The following PAQR3 variants were observed in gnomAD, a reference collection of about 807,000 sequenced individuals.
The protein encoded by PAQR3 is Raf kinase trapping to Golgi.
Under a neutral mutation model 41.7 loss-of-function variants are expected in PAQR3, and 39 were observed. The observed-to-expected ratio is 0.93, with a 90% CI of 0.72 to 1.22. The LOEUF (loss-of-function observed/expected upper bound fraction) is 1.22. Ranked by LOEUF, PAQR3 falls within the 50% of genes most tolerant of loss-of-function variation. PAQR3 has a pLI of 0.00. For synonymous variants in PAQR3, 140 were observed against 140.6 expected (o/e 1.00, Z 0.03); for missense variants, 366 against 385.6 (o/e 0.95, Z 0.42).
chr4:78,937,645 T>A (rs1364936332), intron 1 of PAQR3, among the ~76,000 whole-genome samples: 1 of 152,196 alleles, frequency 6.6e-6, no homozygotes. Context: ...GCAGATACTG[T>A]GATTACCCTC....
intron 11 of PAQR3, among the ~76,000 whole-genome samples, chr4:78,905,926 C>T (rs1734260227): frequency 6.6e-6 from 1 of 151,960 alleles, no homozygotes; most frequent in Non-Finnish European, 1.5e-5. Context: ...ATAGTTATAA[C>T]CAACTTTATA....
At chr4:78,891,578 T>C (rs1733442527) in intron 11 of PAQR3, among the ~76,000 whole-genome samples, 1 of 152,250 alleles carries the variant, frequency 6.6e-6, no homozygotes, top group South Asian at 2.1e-4. Flanking sequence ...TCTTTGTCTT[T>C]TATATTTGCA....
intron 11 of PAQR3, among the ~76,000 whole-genome samples, chr4:78,890,159 C>T (rs535363816): frequency 6.6e-6 from 1 of 151,702 alleles, no homozygotes; most frequent in East Asian, 1.9e-4. Flanking sequence ...TCAGATTTAA[C>T]AAGATTTGAA....
chr4:78,931,433 C>A (rs74599767), intron 2 of PAQR3, among the ~76,000 whole-genome samples: 2,120 of 152,170 alleles, frequency 0.014, 61 homozygotes, highest in African/African-American at 0.049. Context: ...ACAGTGATGA[C>A]TTGCTAACTT....
intron 2 of PAQR3, among the ~76,000 whole-genome samples, 155 bp downstream of exon 2, chr4:78,934,966 C>G (rs909446820): frequency 1.3e-5 from 2 of 152,120 alleles, no homozygotes; most frequent in South Asian, 4.1e-4. Flanking sequence ...AAGAACACAT[C>G]GTTTGGTGTT....
downstream of PAQR3, among the ~76,000 whole-genome samples, chr4:78,908,902 T>C (rs1196316494): frequency 6.6e-6 from 1 of 152,132 alleles, no homozygotes; most frequent in Non-Finnish European, 1.5e-5. Flanking sequence ...TTTCTGTTAA[T>C]GGTGCTGCCA....
chr4:78,939,404 G>A lies in PAQR3; in HGVS notation c.-180C>T, dbSNP rs980689751. ...GCTCACACCGGCCACTGCCGCCAGC[G>A]CCGCGGCGGACCCGGCAGCGTCGCA... On this transcript the variant is annotated 5_prime_UTR_variant, in exon 1 of 6. Coordinates refer to ENST00000512733, the MANE Select transcript of PAQR3 (RefSeq NM_001040202.2). 13 of 347,498 alleles carry A rather than the reference G, an allele frequency of 3.7e-5. No homozygotes were observed. Among genetic ancestry groups the A allele is most frequent in the Non-Finnish European group, 5.6e-5 (12 of 215,034 alleles). The allele number at this position is 347,498 out of a possible 1,614,324, so 21.5% of individuals were successfully genotyped here.
At chr4:78,902,090 T>C (rs1366098801) in intron 11 of PAQR3, among the ~76,000 whole-genome samples, 1 of 152,144 alleles carries the variant, frequency 6.6e-6, no homozygotes, top group Non-Finnish European at 1.5e-5. Context: ...TAGATTCTAG[T>C]GTATGATTCT....
At chr4:78,904,008 T>C (rs962393937) in intron 11 of PAQR3, among the ~76,000 whole-genome samples, 2 of 151,952 alleles carry the variant, frequency 1.3e-5, no homozygotes, top group African/African-American at 2.4e-5. Context: ...TATAAAAAGA[T>C]GTTGGACTAA....
At chr4:78,890,392 AC>A (rs1204967750) in intron 11 of PAQR3, among the ~76,000 whole-genome samples, 1 of 142,722 alleles carries the variant, frequency 7.0e-6, no homozygotes, top group East Asian at 1.9e-4. Flanking sequence ...CCTCACACAT[AC>A]ACAATCATGC....
At chr4:78,922,497 G>GA (rs1411431657) in intron 5 of PAQR3, 66 of 1,159,860 alleles carry the variant, frequency 5.7e-5, no homozygotes, top group East Asian at 2.3e-4. Context: ...TCTCCAAACT[G>GA]AAAAAAAACA....
In PAQR3 at chr4:78,912,788, C is replaced by T. The variant is rs549784093; in HGVS notation, c.*7751G>A. 21 of 151,240 alleles carry T rather than the reference C, an allele frequency of 1.4e-4. No homozygotes were observed. Among genetic ancestry groups the T allele is most frequent in the Non-Finnish European group, 2.9e-4 (20 of 67,860 alleles). The allele number at this position is 151,240 out of a possible 1,614,324, so 9.4% of individuals were successfully genotyped here. On this transcript the variant is annotated 3_prime_UTR_variant, in exon 6 of 6. Coordinates refer to ENST00000512733, the MANE Select transcript of PAQR3 (RefSeq NM_001040202.2). ...ACAAATTAAAAAAATGGACTATCGT[C>T]GCACAGAAGCCTAGAACAAAAATAT...
Position 78,915,144 on chromosome 4 carries a change from G to C in PAQR3, c.*5395C>G, listed in dbSNP as rs1734933890. 1 of 151,974 alleles carries C rather than the reference G, an allele frequency of 6.6e-6. No homozygotes were observed. The allele number at this position is 151,974 out of a possible 1,614,324, so 9.4% of individuals were successfully genotyped here. ...ATTATTTTCCCTTACCCCAATCCCTGTGTACGTGTTGGGTATAGTTACGAC... is the reference window on the plus strand; with the variant it reads ...ATTATTTTCCCTTACCCCAATCCCTCTGTACGTGTTGGGTATAGTTACGAC... On this transcript the variant is annotated 3_prime_UTR_variant, in exon 6 of 6. Transcript: ENST00000512733.
intron 3 of PAQR3, among the ~76,000 whole-genome samples, chr4:78,927,947 TA>T (rs1296524181): frequency 1.3e-5 from 2 of 152,216 alleles, no homozygotes; most frequent in Non-Finnish European, 2.9e-5. Flanking sequence ...CTGTGTTCCT[TA>T]AAAGGTAAAA....
At chr4:78,934,384 C>T (rs1737210956) in intron 2 of PAQR3, among the ~76,000 whole-genome samples, 2 of 152,162 alleles carry the variant, frequency 1.3e-5, no homozygotes, top group African/African-American at 2.4e-5. Flanking sequence ...GGAATAGCTA[C>T]TCTGTGTCTG....
Position 78,917,749 on chromosome 4 carries a change from T to C in PAQR3, c.*2790A>G. The C allele has an allele frequency of 1.1e-6, 1 of 927,046 alleles. No individual in the cohort carries two copies. The highest frequency in any genetic ancestry group is 1.3e-6 in the Non-Finnish European group (1 of 776,974). 57.4% of individuals were successfully genotyped at this position (927,046 alleles called of 1,614,324 possible). A position where few individuals can be genotyped will look rare whatever the true frequency, so the allele number is the denominator to read the frequency against. On this transcript the variant is annotated 3_prime_UTR_variant, in exon 6 of 6. Coordinates refer to ENST00000512733, the MANE Select transcript of PAQR3 (RefSeq NM_001040202.2). ...ACATTTAATACAGGGCAAAGTATTA[T>C]CTAGTAGGTACCTGCCAAATGGAGA...
At chr4:78,900,403 C>A (rs1414533420) in intron 11 of PAQR3, among the ~76,000 whole-genome samples, 2 of 151,936 alleles carry the variant, frequency 1.3e-5, no homozygotes, top group Non-Finnish European at 2.9e-5. Context: ...CAAGGCTCAA[C>A]TGTATATAGA....
intron 11 of PAQR3, among the ~76,000 whole-genome samples, chr4:78,894,781 CT>C (rs1165036836): frequency 2.0e-5 from 3 of 152,330 alleles, no homozygotes; most frequent in South Asian, 4.1e-4. Flanking sequence ...TTTCAGCGTG[CT>C]TTCCTCTCTA....
chr4:78,899,585 G>C (rs1733890298), intron 11 of PAQR3, among the ~76,000 whole-genome samples: 1 of 151,856 alleles, frequency 6.6e-6, no homozygotes, highest in Admixed American at 6.6e-5. Flanking sequence ...GCAAGACAAA[G>C]GAGATAAGAA....
Sources: allele counts gnomAD v4.1 joint callset (sites outside exome capture counted in the v4.1 genomes callset), GRCh38; gene constraint gnomAD v4.1.1; transcripts MANE v1.5; gene names NCBI Gene and HGNC (gene_info 2026-07-23, HGNC 2026-07-21).